The following KPNA3 variants were observed in gnomAD, a reference collection of about 807,000 sequenced individuals.
KPNA3 encodes the protein importin subunit alpha-4.
Under a neutral mutation model 73.8 loss-of-function variants are expected in KPNA3, and 13 were observed. The ratio of observed to expected loss-of-function variants is 0.18; its 90% CI spans 0.11 to 0.28. The LOEUF (loss-of-function observed/expected upper bound fraction) is 0.28. Among genes scored for constraint, KPNA3 ranks in the 10% least tolerant of loss-of-function variants. The pLI, the probability that KPNA3 is intolerant of heterozygous loss-of-function variation, is 1.00. For missense variants in KPNA3, 360 were observed against 618.1 expected, an observed-to-expected ratio of 0.58 and a Z score of 4.43; for synonymous variants, 186 against 206.9, an observed-to-expected ratio of 0.90 and a Z score of 0.87.
chr13:49,734,936 T>TAG (rs1270805373), intron 2 of KPNA3, among the ~76,000 whole-genome samples: 2,367 of 144,900 alleles, frequency 0.016, 27 homozygotes, highest in South Asian at 0.022. Context: ...TATATATATA[T>TAG]ATAGAGAGAG....
intron 10 of KPNA3, 21 bp downstream of exon 10, chr13:49,719,754 T>A: frequency 1.9e-6 from 3 of 1,576,868 alleles, no homozygotes; most frequent in Non-Finnish European, 2.6e-6. Context: ...AATCCCACAT[T>A]TAAGCTGCTT....
At chr13:49,766,594 T>C (rs909206944) in intron 1 of KPNA3, among the ~76,000 whole-genome samples, 3 of 152,220 alleles carry the variant, frequency 2.0e-5, no homozygotes, top group African/African-American at 4.8e-5. Flanking sequence ...GCAGAAATTA[T>C]ATTAAATTTG....
chr13:49,760,282 G>A (rs1283554575), intron 1 of KPNA3, among the ~76,000 whole-genome samples: 1 of 151,962 alleles, frequency 6.6e-6, no homozygotes, highest in Non-Finnish European at 1.5e-5. Flanking sequence ...AGGAATGGTG[G>A]TACATGCCTG....
chr13:49,722,193 T>C (rs1194646654), intron 8 of KPNA3, 69 bp from the exon 9 acceptor site: 13 of 1,035,566 alleles, frequency 1.3e-5, no homozygotes, highest in South Asian at 1.1e-4. Flanking sequence ...ATGTATGCAA[T>C]GGCTCATGTG....
intron 6 of KPNA3, among the ~76,000 whole-genome samples, chr13:49,732,050 G>A (rs1954474769): frequency 6.6e-6 from 1 of 152,132 alleles, no homozygotes; most frequent in Admixed American, 6.5e-5. Context: ...AGCAAAGAGT[G>A]ACTCAAACAT....
chr13:49,792,550 G>A lies in KPNA3; in HGVS notation c.-44C>T, dbSNP rs567760110. On this transcript the variant is annotated 5_prime_UTR_variant, in exon 1 of 17. Transcript: ENST00000261667. Reference sequence around the variant, plus strand: ...CGGCGGCTACTCCTGCGGCTGCGGCGGCGGCGGCGGCGAATCTTGGAGCGG... The same window carrying A: ...CGGCGGCTACTCCTGCGGCTGCGGCAGCGGCGGCGGCGAATCTTGGAGCGG... 2.8e-4 allele frequency: 383 copies of A among 1,386,642 alleles called. No homozygotes were observed. The highest frequency in any genetic ancestry group is 3.5e-4 in the Non-Finnish European group (349 of 1,003,540). The allele number at this position is 1,386,642 out of a possible 1,614,324, so 85.9% of individuals were successfully genotyped here.
At chr13:49,710,865 A>G in intron 11 of KPNA3, 26 bp downstream of exon 11, 2 of 1,605,084 alleles carry the variant, frequency 1.2e-6, no homozygotes, top group Non-Finnish European at 1.7e-6. Flanking sequence ...ACTGTATACA[A>G]ATAAGAAAAA....
At chr13:49,785,158 A>T (rs1283488355) in intron 1 of KPNA3, among the ~76,000 whole-genome samples, 1 of 152,192 alleles carries the variant, frequency 6.6e-6, no homozygotes, top group Non-Finnish European at 1.5e-5. Context: ...TGGGGGAGGA[A>T]GGCTGAATCT....
intron 1 of KPNA3, among the ~76,000 whole-genome samples, chr13:49,754,984 A>G (rs73194404): frequency 0.02 from 3,094 of 152,264 alleles, 102 homozygotes; most frequent in Admixed American, 0.098. Flanking sequence ...CTCTACAAAA[A>G]ACAGATGGGT....
chr13:49,713,292 G>GTACA (rs1251499679), intron 10 of KPNA3, among the ~76,000 whole-genome samples: 1 of 108,310 alleles, frequency 9.2e-6, no homozygotes, highest in Admixed American at 1.2e-4. Context: ...TTAAAGCAGA[G>GTACA]AATAAACACA....
Position 49,746,942 on chromosome 13 carries a change from A to G in KPNA3, c.114+7T>C. On this transcript the variant is annotated splice_region_variant and intron_variant, in intron 2 of 16. Coordinates refer to ENST00000261667, the MANE Select transcript of KPNA3 (RefSeq NM_002267.4). ...ATTACTTTTCTTTAAATGTAAATCA[A>G]CCTTACCTTCCGCAGTTCCACTGTC... The G allele has an allele frequency of 6.3e-7, 1 of 1,599,988 alleles. No homozygotes were observed. The highest frequency in any genetic ancestry group is 8.6e-7 in the Non-Finnish European group (1 of 1,167,792).
intron 16 of KPNA3, 93 bp downstream of exon 16, chr13:49,702,293 A>G: frequency 1.4e-6 from 1 of 705,814 alleles, no homozygotes. Context: ...AACTTATGTC[A>G]TCCTAATAAT....
chr13:49,713,236 AAC>A (rs1954275597), intron 10 of KPNA3, among the ~76,000 whole-genome samples: 3 of 152,264 alleles, frequency 2.0e-5, no homozygotes, highest in East Asian at 1.9e-4. Flanking sequence ...ATGAAAATAC[AAC>A]AGTTATAAAC....
At chr13:49,747,790 T>C (rs998872392) in intron 1 of KPNA3, among the ~76,000 whole-genome samples, 1 of 152,268 alleles carries the variant, frequency 6.6e-6, no homozygotes, top group Admixed American at 6.5e-5. Context: ...CTGTATTTAC[T>C]GGATATCTGT....
At chr13:49,740,981 T>C (rs747991711) in intron 2 of KPNA3, among the ~76,000 whole-genome samples, 2 of 152,224 alleles carry the variant, frequency 1.3e-5, no homozygotes, top group Non-Finnish European at 2.9e-5. Flanking sequence ...AGAGGGTTTC[T>C]TTCTTTTAAG....
chr13:49,709,458 C>T, intron 12 of KPNA3, 114 bp downstream of exon 12: 1 of 714,776 alleles, frequency 1.4e-6, no homozygotes, highest in Non-Finnish European at 2.1e-6. Flanking sequence ...AAATAATTCT[C>T]ATCTTCGCTG....
At chr13:49,745,116 T>C (rs1954605044) in intron 2 of KPNA3, among the ~76,000 whole-genome samples, 1 of 152,194 alleles carries the variant, frequency 6.6e-6, no homozygotes, top group African/African-American at 2.4e-5. Context: ...TAATGCTTGG[T>C]TGAATAACTA....
At chr13:49,784,318 C>A (rs990277913) in intron 1 of KPNA3, among the ~76,000 whole-genome samples, 1 of 152,064 alleles carries the variant, frequency 6.6e-6, no homozygotes, top group African/African-American at 2.4e-5. Context: ...CAGTTAAGCA[C>A]CACCAGAAGG....
chr13:49,725,805 C>A (rs1954404465), intron 6 of KPNA3, among the ~76,000 whole-genome samples: 1 of 152,126 alleles, frequency 6.6e-6, no homozygotes, highest in Non-Finnish European at 1.5e-5. Context: ...CCACACCTGG[C>A]TCATTTTTGT....
Sources: allele counts gnomAD v4.1 joint callset (sites outside exome capture counted in the v4.1 genomes callset), GRCh38; gene constraint gnomAD v4.1.1; transcripts MANE v1.5; gene names NCBI Gene and HGNC (gene_info 2026-07-23, HGNC 2026-07-21).